LUC7L2: variants seen among roughly 807,000 people sequenced by gnomAD.
LUC7L2 encodes the protein putative RNA-binding protein Luc7-like 2.
LUC7L2 carries 25 observed loss-of-function variants against 52.8 expected under a neutral mutation model. The ratio of observed to expected loss-of-function variants is 0.47; its 90% confidence interval spans 0.34 to 0.66. LUC7L2 has a LOEUF of 0.66. Ranked by LOEUF, LUC7L2 falls within the 30% of genes least tolerant of loss-of-function variation. The probability of loss-of-function intolerance (pLI) is 0.01; values close to 1 mark genes in which losing one functional copy is unlikely to be tolerated. For synonymous variants in LUC7L2, 144 were observed against 160.9 expected (o/e 0.89, Z 0.80); for missense variants, 328 against 497.8 (o/e 0.66, Z 3.25).
intron 1 of LUC7L2, among the ~76,000 whole-genome samples, chr7:139,347,981 T>G (rs1235376713): frequency 6.6e-6 from 1 of 152,174 alleles, no homozygotes; most frequent in Non-Finnish European, 1.5e-5. Flanking sequence ...ATTACAGGTG[T>G]GAGCCACCAT....
chr7:139,389,595 T>C (rs558001981), intron 2 of LUC7L2, among the ~76,000 whole-genome samples: 3 of 152,326 alleles, frequency 2.0e-5, no homozygotes, highest in African/African-American at 7.2e-5. Flanking sequence ...ATAGCCCTCT[T>C]TTGTGAATTT....
chr7:139,378,016 C>T (rs903104668), intron 2 of LUC7L2, among the ~76,000 whole-genome samples: 1 of 151,418 alleles, frequency 6.6e-6, no homozygotes, highest in Non-Finnish European at 1.5e-5. Context: ...CTAGGTCTCA[C>T]CATGTTACCC....
intron 3 of LUC7L2, among the ~76,000 whole-genome samples, chr7:139,399,449 A>AT (rs71169090): frequency 0.029 from 1,482 of 50,452 alleles, 460 homozygotes; most frequent in Non-Finnish European, 0.043. Flanking sequence ...TGTTTGGGGG[A>AT]TTTTTTTTTT....
At chr7:139,417,447 GA>G (rs2116331323) in intron 8 of LUC7L2, 90 bp from the exon 9 acceptor site, 3 of 1,500,486 alleles carry the variant, frequency 2.0e-6, no homozygotes, top group East Asian at 4.6e-5. Flanking sequence ...TAAGACTACT[GA>G]AAAAAAGTTT....
chr7:139,360,331 C>T lies in LUC7L2; in HGVS notation c.61+9C>T, dbSNP rs752276137. ...GGGCACCTCCCGGGACGGTAAGTCT[C>T]TGCCAGGGCCCTGGGGGTGGGGGAG... On this transcript the variant is annotated intron_variant, in intron 1 of 9. Coordinates refer to ENST00000354926, the MANE Select transcript of LUC7L2 (RefSeq NM_016019.5). The T allele has an allele frequency of 2.6e-6, 4 of 1,560,248 alleles. No homozygotes were observed. Among genetic ancestry groups the T allele is most frequent in the South Asian group, 1.2e-5 (1 of 84,898 alleles).
At chr7:139,368,903 G>C (rs1191263186) in intron 1 of LUC7L2, among the ~76,000 whole-genome samples, 1 of 151,962 alleles carries the variant, frequency 6.6e-6, no homozygotes, top group Non-Finnish European at 1.5e-5. Flanking sequence ...TAAGGCTCAC[G>C]TCTCCTTCAT....
At chr7:139,411,499 C>CA (rs1203518296) in intron 7 of LUC7L2, among the ~76,000 whole-genome samples, 5 of 152,104 alleles carry the variant, frequency 3.3e-5, no homozygotes, top group Non-Finnish European at 7.4e-5. Context: ...TTGCTAGTGA[C>CA]AGAGTAAGCT....
At chr7:139,375,010 C>G in intron 1 of LUC7L2, 1 of 985,084 alleles carries the variant, frequency 1.0e-6, no homozygotes, top group Non-Finnish European at 1.2e-6. Context: ...TTCAGTAATT[C>G]ACCAGTAGGT....
In LUC7L2 at chr7:139,417,664, CAGCCGT is replaced by C; in HGVS notation, c.941_946del (p.Arg314_Ser315del). The C allele has an allele frequency of 6.2e-7, 1 of 1,614,136 alleles. No individual in the cohort carries two copies. Among genetic ancestry groups the C allele is most frequent in the African/African-American group, 1.3e-5 (1 of 75,040 alleles). ...GGTCCCGCTCCAGCAGCCGTAGCCG[CAGCCGT>C]AGCCACCAGAGAAGTCGGCACAGTT... On this transcript the variant is annotated inframe_deletion, in exon 9 of 10. Transcript: ENST00000354926.
At chr7:139,403,359 G>A (rs1347283728) in intron 4 of LUC7L2, among the ~76,000 whole-genome samples, 1 of 152,162 alleles carries the variant, frequency 6.6e-6, no homozygotes. Context: ...ATTCCATTCA[G>A]TATGATCAAG....
rs1044014904 is a variant in LUC7L2, at chr7:139,401,753, T to G, written c.256-384T>G. On this transcript the variant is annotated intron_variant, in intron 3 of 9. Transcript: ENST00000354926. Reference sequence around the variant, plus strand: ...TAGGCGTGACCCACCACGCCCAGCTTCTTTTTTTTTTTTTTTTAATGACAG... The same window carrying G: ...TAGGCGTGACCCACCACGCCCAGCTGCTTTTTTTTTTTTTTTTAATGACAG... Among the ~76,000 whole-genome samples, 3 of 143,980 alleles carry G rather than the reference T, an allele frequency of 2.1e-5. No homozygotes were observed. In the South Asian group the frequency reaches 7.0e-4, roughly 33 times the overall value. The allele number at this position is 143,980 out of a possible 152,430, so 94.5% of individuals were successfully genotyped here. A position where few individuals can be genotyped will look rare whatever the true frequency, so the allele number is the denominator to read the frequency against.
At position 139,341,385 on chromosome 7, in the gene LUC7L2, A is replaced by G. The variant is rs771925654; in HGVS notation, c.-26+868A>G. The G allele has an allele frequency of 9.3e-6, 15 of 1,612,544 alleles. No individual in the cohort carries two copies. In the South Asian group the frequency reaches 1.1e-4, roughly 12 times the overall value. On this transcript the variant is annotated intron_variant, in intron 1 of 10. Coordinates refer to the LUC7L2 transcript ENST00000541170. ...ACCACGCTCGGAGAAGGACAGGACAATGGCGGCCTTAGGGTCCCCGTCGCA... is the reference window on the plus strand; with the variant it reads ...ACCACGCTCGGAGAAGGACAGGACAGTGGCGGCCTTAGGGTCCCCGTCGCA...
At chr7:139,420,227 A>G (rs1275601626) in intron 9 of LUC7L2, among the ~76,000 whole-genome samples, 3 of 151,924 alleles carry the variant, frequency 2.0e-5, no homozygotes, top group African/African-American at 7.2e-5. Flanking sequence ...TTTTGAGACG[A>G]GAGTCTCGTT....
intron 1 of LUC7L2, among the ~76,000 whole-genome samples, chr7:139,344,240 C>T (rs574818293): frequency 2.0e-4 from 31 of 152,208 alleles, no homozygotes; most frequent in African/African-American, 7.0e-4. Context: ...ATTGTAAGAG[C>T]GAGAATAGCC....
At chr7:139,379,246 A>G (rs1207488458) in intron 2 of LUC7L2, among the ~76,000 whole-genome samples, 1 of 152,214 alleles carries the variant, frequency 6.6e-6, no homozygotes, top group Non-Finnish European at 1.5e-5. Flanking sequence ...ACATACTTAT[A>G]GCCCCAGCTA....
At chr7:139,412,674 C>T in intron 8 of LUC7L2, 94 bp downstream of exon 8, 4 of 1,477,754 alleles carry the variant, frequency 2.7e-6, no homozygotes, top group Non-Finnish European at 3.6e-6. Flanking sequence ...TAAAAATTTT[C>T]TTTTTTGGCT....
chr7:139,407,130 T>C, intron 5 of LUC7L2, 44 bp from the exon 6 acceptor site: 2 of 1,557,800 alleles, frequency 1.3e-6, no homozygotes, highest in Admixed American at 1.9e-5. Context: ...TGTATGACTT[T>C]TAGTGAGATT....
At chr7:139,347,273 C>T (rs552953869) in intron 1 of LUC7L2, among the ~76,000 whole-genome samples, 14 of 152,282 alleles carry the variant, frequency 9.2e-5, no homozygotes, top group Middle Eastern at 3.4e-3. Context: ...AGGAGAGGTA[C>T]AACCTCAACA....
At chr7:139,407,076 T>C (rs1197399395) in intron 5 of LUC7L2, 98 bp from the exon 6 acceptor site, 1 of 1,265,230 alleles carries the variant, frequency 7.9e-7, no homozygotes, top group Non-Finnish European at 1.0e-6. Flanking sequence ...TTGTGTATTT[T>C]TTAGAAAACA....
Sources: allele counts gnomAD v4.1 joint callset (sites outside exome capture counted in the v4.1 genomes callset), GRCh38; gene constraint gnomAD v4.1.1; transcripts MANE v1.5; gene names NCBI Gene and HGNC (gene_info 2026-07-23, HGNC 2026-07-21).